The following KCNT1 variants were observed in gnomAD, a reference collection of about 807,000 sequenced individuals.
KCNT1 encodes the protein potassium sodium-activated channel subfamily T member 1.
Under a neutral mutation model 147.8 loss-of-function variants are expected in KCNT1, and 78 were observed. The ratio of observed to expected loss-of-function variants is 0.53; its 90% CI spans 0.44 to 0.64. The LOEUF (loss-of-function observed/expected upper bound fraction) is 0.64, where lower values mean the gene tolerates loss of function less well. Among genes scored for constraint, KCNT1 ranks in the 30% least tolerant of loss-of-function variants. The pLI, the probability that KCNT1 is intolerant of heterozygous loss-of-function variation, is 0.00. For synonymous variants in KCNT1, 867 were observed against 748.8 expected, an observed-to-expected ratio of 1.16 and a Z score of -2.58; for missense variants, 1,419 against 1,750.3, an observed-to-expected ratio of 0.81 and a Z score of 3.38.
At position 135,791,820 on chromosome 9, in the gene KCNT1, A is replaced by C. The variant is rs1052059776; in HGVS notation, c.3526A>C (p.Thr1176Pro). The change falls in exon 30 of 31, where the codon ACC (threonine) becomes CCC (proline). Residue 1176 changes from threonine to proline, a missense_variant. Transcript: ENST00000371757. Reference protein sequence around the residue: ...GYDEMNDHQNTLSYVLINPPP... With the variant: ...GYDEMNDHQNPLSYVLINPPP... ...AGACGAGATGAACGACCACCAGAAC[A>C]CCCTCTCCTACGTCCTCATCAACCC... 6.2e-7 allele frequency: 1 copy of C among 1,613,520 alleles called. No individual in the cohort carries two copies. The highest frequency in any genetic ancestry group is 1.1e-5 in the South Asian group (1 of 91,038).
In KCNT1 at chr9:135,768,985, G is replaced by A. The variant is rs1054111642; in HGVS notation, c.1510+48G>A. ...TGATGGTGTATCTGGGGCAGGGCAC[G>A]TGTGCACACGTGGGTGATGGTGCAT... On this transcript the variant is annotated intron_variant, in intron 15 of 30. Transcript: ENST00000371757. The A allele has an allele frequency of 1.2e-4, 162 of 1,381,754 alleles. No individual in the cohort carries two copies. In the African/African-American group the frequency reaches 1.5e-3, roughly 13 times the overall value. The allele number at this position is 1,381,754 out of a possible 1,614,324, so 85.6% of individuals were successfully genotyped here.
intron 2 of KCNT1, among the ~76,000 whole-genome samples, chr9:135,743,991 G>C (rs914967605): frequency 6.6e-6 from 1 of 152,268 alleles, no homozygotes; most frequent in Admixed American, 6.5e-5. Context: ...CTTCCTGCCT[G>C]CCTGCCTGGT....
Position 135,770,374 on chromosome 9 carries a change from A to G in KCNT1, c.1696A>G (p.Met566Val), listed in dbSNP as rs1832669452. 5 of 1,613,228 alleles carry G rather than the reference A, an allele frequency of 3.1e-6. No homozygotes were observed. Among genetic ancestry groups the G allele is most frequent in the South Asian group, 1.1e-5 (1 of 91,072 alleles). ...CGGCAACGAGGTGTACCACATCCGC[A>G]TGGGTGACAGCAAGTTCTTCCGCGA... Reference protein sequence around the residue: ...CSGNEVYHIRMGDSKFFREYE... With the variant: ...CSGNEVYHIRVGDSKFFREYE... The change falls in exon 17 of 31, where the codon ATG becomes GTG. Residue 566 changes from methionine (M) to valine (V), a missense_variant. Coordinates refer to ENST00000371757, the MANE Select transcript of KCNT1 (RefSeq NM_020822.3).
intron 2 of KCNT1, among the ~76,000 whole-genome samples, chr9:135,722,635 TTCTG>T (rs1835969423): frequency 1.3e-5 from 2 of 152,214 alleles, no homozygotes; most frequent in Admixed American, 1.3e-4. Flanking sequence ...TATTTCTCAG[TTCTG>T]GAGGCTGGAA....
At chr9:135,781,021 G>A (rs1477297817) in intron 24 of KCNT1, among the ~76,000 whole-genome samples, 3 of 152,212 alleles carry the variant, frequency 2.0e-5, no homozygotes, top group Non-Finnish European at 2.9e-5. Flanking sequence ...CCGCCTTCCC[G>A]CCAGGCAGCC....
intron 2 of KCNT1, among the ~76,000 whole-genome samples, chr9:135,741,738 G>A (rs980998355): frequency 1.3e-5 from 2 of 152,258 alleles, no homozygotes; most frequent in Non-Finnish European, 2.9e-5. Context: ...GTGACCCCAG[G>A]CTGGCTTCCT....
intron 29 of KCNT1, among the ~76,000 whole-genome samples, chr9:135,787,661 G>A (rs1317469286): frequency 6.6e-6 from 1 of 152,196 alleles, no homozygotes; most frequent in African/African-American, 2.4e-5. Context: ...TGGGGAACAG[G>A]TGGCCTGTGA....
intron 11 of KCNT1, among the ~76,000 whole-genome samples, chr9:135,762,534 G>A (rs1366850490): frequency 6.6e-6 from 1 of 152,146 alleles, no homozygotes; most frequent in African/African-American, 2.4e-5. Flanking sequence ...GATCACTTGA[G>A]ATCCGGCGTT....
rs1040960621 is a variant in KCNT1, at chr9:135,785,832, C to A, written c.3178-365C>A. 1.2e-5 allele frequency: 5 copies of A among 428,734 alleles called. No individual in the cohort carries two copies. The South Asian group carries it at 1.3e-4, about 11-fold the overall frequency. The allele number at this position is 428,734 out of a possible 1,614,324, so 26.6% of individuals were successfully genotyped here. ...AGAAATTGACACGCAGAGGGGGTGACCTCTCAGGGCAAGGCCAGGATGTGC... is the reference window on the plus strand; with the variant it reads ...AGAAATTGACACGCAGAGGGGGTGAACTCTCAGGGCAAGGCCAGGATGTGC... On this transcript the variant is annotated intron_variant, in intron 28 of 30. Coordinates refer to ENST00000371757, the MANE Select transcript of KCNT1 (RefSeq NM_020822.3).
At chr9:135,738,074 C>G (rs923421837) in intron 2 of KCNT1, among the ~76,000 whole-genome samples, 1 of 152,200 alleles carries the variant, frequency 6.6e-6, no homozygotes, top group African/African-American at 2.4e-5. Context: ...TGCCCCATCC[C>G]TGTTCCTGCA....
chr9:135,745,509 C>T (rs934634478), intron 2 of KCNT1, among the ~76,000 whole-genome samples: 5 of 152,220 alleles, frequency 3.3e-5, no homozygotes, highest in Admixed American at 1.3e-4. Flanking sequence ...TTTTGGCTGA[C>T]GTGGGTCCTG....
At chr9:135,702,466 T>TG in intron 1 of KCNT1, 98 bp downstream of exon 1, 1 of 990,274 alleles carries the variant, frequency 1.0e-6, no homozygotes, top group Non-Finnish European at 1.6e-6. Context: ...GGACCCGCCA[T>TG]TCCCAGGGCC....
intron 2 of KCNT1, among the ~76,000 whole-genome samples, chr9:135,731,989 TATAGAGAGAGAGAGAGAG>T (rs1209267777): frequency 3.2e-4 from 6 of 18,644 alleles, no homozygotes; most frequent in South Asian, 6.6e-3. Context: ...TATATATATA[TATAGAGAGAGAGAGAGAG>T]AGAGAGAGAG....
chr9:135,777,718 C>G (rs1833273226), intron 21 of KCNT1, among the ~76,000 whole-genome samples: 1 of 149,272 alleles, frequency 6.7e-6, no homozygotes, highest in South Asian at 2.1e-4. Flanking sequence ...ACACCCACTC[C>G]TGCTCCCAGC....
chr9:135,768,075 C>T (rs1339164456), intron 13 of KCNT1, among the ~76,000 whole-genome samples: 1 of 150,628 alleles, frequency 6.6e-6, no homozygotes, highest in African/African-American at 2.4e-5. Context: ...CTCCTGAACC[C>T]TGCCCCCACC....
At chr9:135,708,247 CAT>C (rs1190035449) in intron 1 of KCNT1, among the ~76,000 whole-genome samples, 1 of 152,236 alleles carries the variant, frequency 6.6e-6, no homozygotes, top group East Asian at 1.9e-4. Context: ...CACATGTGCA[CAT>C]GTATACATAT....
intron 21 of KCNT1, 118 bp from the exon 22 acceptor site, chr9:135,778,306 C>A: frequency 1.2e-6 from 1 of 834,730 alleles, no homozygotes; most frequent in East Asian, 2.7e-5. Flanking sequence ...CCATACGCTG[C>A]GGTTCTGGGG....
chr9:135,704,738 T>C (rs2131309374), intron 1 of KCNT1, among the ~76,000 whole-genome samples: 1 of 152,354 alleles, frequency 6.6e-6, no homozygotes, highest in South Asian at 2.1e-4. Flanking sequence ...CCTGGCATCC[T>C]GCCAGGGTAC....
rs772378108 is a variant in KCNT1 at position 135,770,885 on chromosome 9, C to G, written c.1798C>G (p.Arg600Gly). ...TGGCGTGTGCCTCATCGGGCTGAAGCGGGAGGACAACAAGAGCATCCTGCT... is the reference window on the plus strand; with the variant it reads ...TGGCGTGTGCCTCATCGGGCTGAAGGGGGAGGACAACAAGAGCATCCTGCT... Reference protein sequence around the residue: ...KYGVCLIGLKREDNKSILLNP... With the variant: ...KYGVCLIGLKGEDNKSILLNP... Residue 600 changes from arginine (R) to glycine (G), a missense_variant, in exon 18 of 31, where the codon CGG becomes GGG. Physicochemically the swap from Arg to Gly is moderately radical, Grantham distance 125 (BLOSUM62 -2). This residue lies in a region of KCNT1 where 284 missense variants were observed against 292.8 expected (regional missense o/e 0.97). Coordinates refer to ENST00000371757, the MANE Select transcript of KCNT1 (RefSeq NM_020822.3). 1.3e-6 allele frequency: 2 copies of G among 1,589,634 alleles called. No homozygotes were observed. Among genetic ancestry groups the G allele is most frequent in the Non-Finnish European group, 1.7e-6 (2 of 1,167,278 alleles).
Sources: gnomAD v4.1 joint callset for allele counts (sites outside exome capture counted in the v4.1 genomes callset) on GRCh38, gnomAD v4.1.1 for gene constraint, gnomAD v4.1.1 regional missense constraint, MANE v1.5 for transcripts, NCBI Gene and HGNC (gene_info 2026-07-23, HGNC 2026-07-21) for gene names.